The following CADPS variants were observed in gnomAD, a reference collection of about 807,000 sequenced individuals.
The protein encoded by CADPS is calcium-dependent secretion activator 1.
In CADPS, 57 loss-of-function variants were observed where a neutral mutation model predicts 167.3. The observed-to-expected ratio is 0.34, with a 90% CI of 0.28 to 0.42. The LOEUF (loss-of-function observed/expected upper bound fraction) is 0.42, where lower values mean the gene tolerates loss of function less well. Ranked by LOEUF, CADPS falls within the 20% of genes least tolerant of loss-of-function variation. The pLI, the probability that CADPS is intolerant of heterozygous loss-of-function variation, is 1.00. For synonymous variants in CADPS, 676 were observed against 635.3 expected (o/e 1.06, Z -0.96); for missense variants, 1,414 against 1,738.1 (o/e 0.81, Z 3.32).
chr3:62,655,047 C>A (rs1358438520), intron 4 of CADPS, among the ~76,000 whole-genome samples: 1 of 152,142 alleles, frequency 6.6e-6, no homozygotes, highest in Non-Finnish European at 1.5e-5. Flanking sequence ...CAAATTCTAT[C>A]TAGCAAAATA....
intron 12 of CADPS, chr3:62,536,206 G>A (rs1397582117): frequency 5.1e-6 from 2 of 393,832 alleles, no homozygotes; most frequent in Non-Finnish European, 9.2e-6. Flanking sequence ...CAGCTGAAAA[G>A]GGGGAAGCTA....
intron 8 of CADPS, among the ~76,000 whole-genome samples, chr3:62,577,430 CA>C (rs2082503957): frequency 6.6e-6 from 1 of 152,092 alleles, no homozygotes; most frequent in Non-Finnish European, 1.5e-5. Flanking sequence ...TGCAGTGAGA[CA>C]AGAACCATGA....
chr3:62,621,005 A>T (rs554570876), intron 6 of CADPS, among the ~76,000 whole-genome samples: 1 of 152,160 alleles, frequency 6.6e-6, no homozygotes, highest in African/African-American at 2.4e-5. Context: ...CAGTCATTTC[A>T]TCTGTAAAGT....
intron 3 of CADPS, among the ~76,000 whole-genome samples, chr3:62,752,638 C>T (rs1249347507): frequency 6.6e-6 from 1 of 152,150 alleles, no homozygotes; most frequent in African/African-American, 2.4e-5. Flanking sequence ...TGAAGGGCAA[C>T]ATAATTACCA....
intron 1 of CADPS, among the ~76,000 whole-genome samples, chr3:62,836,352 C>A (rs2075884848): frequency 6.6e-6 from 1 of 152,082 alleles, no homozygotes; most frequent in Non-Finnish European, 1.5e-5. Context: ...AAGAGGCAAC[C>A]AAGACAGTGT....
chr3:62,805,539 T>A (rs995019011), intron 1 of CADPS, among the ~76,000 whole-genome samples: 7 of 152,172 alleles, frequency 4.6e-5, no homozygotes, highest in African/African-American at 1.4e-4. Context: ...TCATCTATAG[T>A]TTATGAACTG....
intron 3 of CADPS, among the ~76,000 whole-genome samples, chr3:62,680,984 C>T (rs984818938): frequency 6.6e-6 from 1 of 152,016 alleles, no homozygotes; most frequent in African/African-American, 2.4e-5. Flanking sequence ...ACCTTTCCAG[C>T]CTCCACTCCC....
rs757210914 is a variant in CADPS at position 62,399,543 on chromosome 3, T to A, written c.3925A>T (p.Thr1309Ser). The A allele has an allele frequency of 6.2e-7, 1 of 1,614,104 alleles. No individual in the cohort carries two copies. Among genetic ancestry groups the A allele is most frequent in the Non-Finnish European group, 8.5e-7 (1 of 1,179,988 alleles). ...DFRLQGVLDS[T>S]LNSKTYETIR... ...GTTTCATAGGTCTTGCTGTTTAAGG[T>A]GGAGTCCAGGACCCCTTGCAATCGG... The change falls in exon 30 of 30, where the codon ACC (threonine) becomes TCC (serine). Residue 1309 changes from threonine (T) to serine (S), a missense_variant. Coordinates refer to ENST00000383710, the MANE Select transcript of CADPS (RefSeq NM_003716.4). The surrounding 1 kb of genome is among the most constrained non-coding windows in gnomAD (Gnocchi z 5.6).
At chr3:62,682,904 G>C (rs2077380826) in intron 3 of CADPS, among the ~76,000 whole-genome samples, 1 of 152,082 alleles carries the variant, frequency 6.6e-6, no homozygotes, top group East Asian at 1.9e-4. Context: ...ATGAAAACAA[G>C]ATTATGTGAA....
intron 27 of CADPS, 96 bp downstream of exon 27, chr3:62,445,669 G>T: frequency 1.3e-6 from 1 of 773,222 alleles, no homozygotes; most frequent in South Asian, 1.9e-5. Flanking sequence ...CAATTAATAT[G>T]AGTAGCACTA....
At chr3:62,638,079 A>ATATATGTTTATATATATATATATC in intron 6 of CADPS, among the ~76,000 whole-genome samples, 1 of 43,256 alleles carries the variant, frequency 2.3e-5, no homozygotes, top group African/African-American at 3.5e-5. Flanking sequence ...TTTAAGCATT[A>ATATATGTTTATATATATATATATC]TATATATATA....
intron 28 of CADPS, among the ~76,000 whole-genome samples, chr3:62,418,613 T>C (rs2050682272): frequency 6.6e-6 from 1 of 151,508 alleles, no homozygotes; most frequent in South Asian, 2.1e-4. Context: ...AGTGCTGGCA[T>C]TATAGGTGTG....
intron 3 of CADPS, among the ~76,000 whole-genome samples, chr3:62,722,430 A>G (rs2075998209): frequency 6.6e-6 from 1 of 152,224 alleles, no homozygotes; most frequent in Admixed American, 6.5e-5. Flanking sequence ...ACAAGGATAT[A>G]AGCCCAAGTG....
intron 3 of CADPS, among the ~76,000 whole-genome samples, chr3:62,735,722 C>A (rs914193737): frequency 1.3e-5 from 2 of 152,138 alleles, no homozygotes; most frequent in Admixed American, 6.5e-5. Flanking sequence ...TGAGTGCAGC[C>A]TCTGGGTTAT....
intron 6 of CADPS, among the ~76,000 whole-genome samples, chr3:62,598,864 C>T (rs2059284016): frequency 6.6e-6 from 1 of 152,180 alleles, no homozygotes; most frequent in Admixed American, 6.5e-5. Flanking sequence ...AGTTCTGTTT[C>T]AAGACTGGTG....
intron 12 of CADPS, 84 bp from the exon 13 acceptor site, chr3:62,533,142 G>A: frequency 8.3e-7 from 1 of 1,212,110 alleles, no homozygotes; most frequent in Non-Finnish European, 1.2e-6. Context: ...GGCTAGAGAA[G>A]GGGACTGAAA....
intron 13 of CADPS, chr3:62,530,790 T>A (rs2073472680): frequency 2.3e-6 from 3 of 1,283,330 alleles, no homozygotes; most frequent in East Asian, 1.1e-4. Flanking sequence ...GGCAGCCCAC[T>A]AAGGTACACA....
rs1242362305 is a variant in CADPS at position 62,650,949 on chromosome 3, G to A, written c.1101C>T (p.Leu367=). 6.2e-7 allele frequency: 1 copy of A among 1,613,944 alleles called. No homozygotes were observed. The highest frequency in any genetic ancestry group is 2.2e-5 in the East Asian group (1 of 44,870). ...CATTGTGGCTGCGTTTGAGTTTCTGGAGCTTGAACTCCCCGCCTTTGGATA... is the reference window on the plus strand; with the variant it reads ...CATTGTGGCTGCGTTTGAGTTTCTGAAGCTTGAACTCCCCGCCTTTGGATA... ...MPVSKGGEFK[L]QKLKRSHNAS... is the part of the protein sequence containing the mutation. Residue 367 remains leucine, a synonymous_variant, in exon 5 of 30, where the codon CTC becomes CTT. Transcript: ENST00000383710.
At chr3:62,448,694 A>G (rs1257641202) in intron 26 of CADPS, among the ~76,000 whole-genome samples, 1 of 151,892 alleles carries the variant, frequency 6.6e-6, no homozygotes, top group East Asian at 1.9e-4. Flanking sequence ...GCCCACTGCA[A>G]CCTCTGCCTC....
Sources: gnomAD v4.1 joint callset for allele counts (sites outside exome capture counted in the v4.1 genomes callset) on GRCh38, gnomAD v4.1.1 for gene constraint, Gnocchi (gnomAD v3.1) non-coding constraint, MANE v1.5 for transcripts, NCBI Gene and HGNC (gene_info 2026-07-23, HGNC 2026-07-21) for gene names.